The following GALNT13 variants were observed in gnomAD, a reference collection of about 807,000 sequenced individuals.
The protein encoded by GALNT13 is UDP-GalNAc:polypeptide N-acetylgalactosaminyltransferase 13.
A neutral mutation model predicts 64.2 loss-of-function variants in GALNT13; 28 were observed. The ratio of observed to expected loss-of-function variants is 0.44; its 90% CI spans 0.32 to 0.60. GALNT13 has a LOEUF of 0.60. Among genes scored for constraint, GALNT13 ranks in the 20% least tolerant of loss-of-function variants. GALNT13 has a pLI of 0.05. For missense variants in GALNT13, 577 were observed against 669.8 expected, an observed-to-expected ratio of 0.86 and a Z score of 1.53; for synonymous variants, 214 against 224.6, an observed-to-expected ratio of 0.95 and a Z score of 0.42.
chr2:153,654,556 A>G, the GALNT13 span, among the ~76,000 whole-genome samples: 1 of 152,108 alleles, frequency 6.6e-6, no homozygotes, highest in Non-Finnish European at 1.5e-5. Context: ...TACCAGCAAT[A>G]CTTTAGTGTA....
chr2:153,739,201 G>A, the GALNT13 span, among the ~76,000 whole-genome samples: 1 of 151,680 alleles, frequency 6.6e-6, no homozygotes, highest in African/African-American at 2.4e-5. Flanking sequence ...CAACATTTTG[G>A]CAAATGGATT....
At chr2:154,287,286 A>C in intron 8 of GALNT13, 2 of 722,784 alleles carry the variant, frequency 2.8e-6, no homozygotes, top group South Asian at 2.8e-5. Context: ...CTGATCCCCA[A>C]CTCACTGGCC....
the GALNT13 span, among the ~76,000 whole-genome samples, chr2:153,821,614 T>G: frequency 6.6e-6 from 1 of 152,108 alleles, no homozygotes. Flanking sequence ...TTATAAATGC[T>G]AAATGCCTAT....
chr2:153,798,285 T>C, the GALNT13 span, among the ~76,000 whole-genome samples: 1 of 152,206 alleles, frequency 6.6e-6, no homozygotes, highest in Non-Finnish European at 1.5e-5. Flanking sequence ...CTTAAACAAA[T>C]TATTTAGTTT....
intron 12 of GALNT13, among the ~76,000 whole-genome samples, chr2:154,441,335 A>C (rs1701285067): frequency 6.6e-6 from 1 of 152,184 alleles, no homozygotes; most frequent in Non-Finnish European, 1.5e-5. Context: ...TTCTTCTCAT[A>C]TTCCAACCTG....
chr2:153,410,555 G>C, the GALNT13 span, among the ~76,000 whole-genome samples: 1 of 152,084 alleles, frequency 6.6e-6, no homozygotes, highest in Non-Finnish European at 1.5e-5. Context: ...CATCAGAGAA[G>C]GGAGGAAAGA....
chr2:153,381,409 G>A, the GALNT13 span, among the ~76,000 whole-genome samples: 2 of 152,050 alleles, frequency 1.3e-5, no homozygotes, highest in African/African-American at 2.4e-5. Flanking sequence ...GAATATTGGC[G>A]AACATCATGA....
the GALNT13 span, among the ~76,000 whole-genome samples, chr2:153,615,828 T>C: frequency 1.3e-5 from 2 of 152,228 alleles, no homozygotes; most frequent in Admixed American, 1.3e-4. Flanking sequence ...TTATATATTC[T>C]GGTTATTAAT....
intron 3 of GALNT13, among the ~76,000 whole-genome samples, chr2:153,954,120 G>C (rs1042771508): frequency 6.6e-6 from 1 of 151,722 alleles, no homozygotes; most frequent in Non-Finnish European, 1.5e-5. Context: ...GGTGCTTTGG[G>C]GAAGAATTCC....
the GALNT13 span, among the ~76,000 whole-genome samples, chr2:153,160,770 C>A: frequency 3.2e-3 from 485 of 152,256 alleles, 4 homozygotes; most frequent in African/African-American, 0.011. Context: ...TAATATAGAT[C>A]CCCTTGCTAA....
intron 3 of GALNT13, among the ~76,000 whole-genome samples, chr2:154,034,921 G>A (rs1266525060): frequency 6.6e-6 from 1 of 152,070 alleles, no homozygotes; most frequent in Non-Finnish European, 1.5e-5. Context: ...ACAGAAGTTA[G>A]CAAAGATAAG....
At chr2:154,362,864 G>A (rs950759874) in intron 9 of GALNT13, among the ~76,000 whole-genome samples, 5 of 152,222 alleles carry the variant, frequency 3.3e-5, no homozygotes, top group East Asian at 1.9e-4. Flanking sequence ...AATAATTAGC[G>A]TAGGTCAACC....
At chr2:154,109,916 C>G (rs1702838013) in intron 3 of GALNT13, among the ~76,000 whole-genome samples, 1 of 150,908 alleles carries the variant, frequency 6.6e-6, no homozygotes, top group Non-Finnish European at 1.5e-5. Context: ...GTATATTAGC[C>G]TCTAATTTGT....
intron 4 of GALNT13, among the ~76,000 whole-genome samples, chr2:154,228,746 C>G (rs906949475): frequency 6.6e-6 from 1 of 152,094 alleles, no homozygotes; most frequent in Non-Finnish European, 1.5e-5. Flanking sequence ...AGTAAGGAAG[C>G]AAGCATGATG....
At chr2:153,538,171 T>A in the GALNT13 span, among the ~76,000 whole-genome samples, 15 of 152,144 alleles carry the variant, frequency 9.9e-5, no homozygotes, top group Non-Finnish European at 2.1e-4. Context: ...ATGAGAAACT[T>A]TTTGGGAATT....
chr2:153,546,891 T>C, the GALNT13 span, among the ~76,000 whole-genome samples: 16 of 152,328 alleles, frequency 1.1e-4, no homozygotes, highest in African/African-American at 3.1e-4. Context: ...TCTATATAAA[T>C]AGAAAACAAT....
the GALNT13 span, among the ~76,000 whole-genome samples, chr2:153,792,143 T>C: frequency 6.6e-6 from 1 of 152,208 alleles, no homozygotes; most frequent in Admixed American, 6.5e-5. Flanking sequence ...ACTTTTGGCC[T>C]TTATCTTTTC....
chr2:154,345,713 A>G (rs1344512447), intron 9 of GALNT13, among the ~76,000 whole-genome samples: 1 of 151,962 alleles, frequency 6.6e-6, no homozygotes, highest in Non-Finnish European at 1.5e-5. Context: ...TCTTCTGGGA[A>G]CTCCACCTAA....
At chr2:153,542,311 A>C in the GALNT13 span, among the ~76,000 whole-genome samples, 44,727 of 151,034 alleles carry the variant, frequency 0.3, 6,915 homozygotes, top group South Asian at 0.45. Context: ...TAAGAGCAAA[A>C]CTCCATCTCA....
Sources: gnomAD v4.1 joint callset for allele counts (sites outside exome capture counted in the v4.1 genomes callset) on GRCh38, gnomAD v4.1.1 for gene constraint, MANE v1.5 for transcripts, NCBI Gene and HGNC (gene_info 2026-07-23, HGNC 2026-07-21) for gene names.